The following MAMLD1 variants were observed in gnomAD, a reference collection of about 807,000 sequenced individuals.
The protein encoded by MAMLD1 is mastermind-like domain-containing protein 1.
Under a neutral mutation model 45.0 loss-of-function variants are expected in MAMLD1, and 14 were observed. That is an observed-to-expected ratio of 0.31 (90% CI 0.21 to 0.49). MAMLD1 has a LOEUF of 0.49. Ranked by LOEUF, MAMLD1 falls within the 20% of genes least tolerant of loss-of-function variation. The pLI is 0.99. For missense variants in MAMLD1, 543 were observed against 603.6 expected, an observed-to-expected ratio of 0.90 and a Z score of 1.05; for synonymous variants, 254 against 247.8, an observed-to-expected ratio of 1.02 and a Z score of -0.24.
chrX:150,424,535 T>C, intron 1 of MAMLD1, among the ~76,000 whole-genome samples: 1 of 111,941 alleles, frequency 8.9e-6, no homozygotes, highest in Middle Eastern at 4.6e-3. Context: ...TAGGTCAGCA[T>C]ATAAACAAGG....
chrX:150,449,849 C>T (rs974097998), intron 2 of MAMLD1, among the ~76,000 whole-genome samples: 3 of 110,853 alleles, frequency 2.7e-5, no homozygotes, highest in African/African-American at 9.9e-5. Flanking sequence ...CTCGGTGAAA[C>T]CTGGAGGCAA....
intron 1 of MAMLD1, among the ~76,000 whole-genome samples, chrX:150,386,983 A>G (rs1557402076): frequency 9.0e-6 from 1 of 111,475 alleles, no homozygotes; most frequent in African/African-American, 3.3e-5. Flanking sequence ...AAAAATTTTC[A>G]GCATACTTTT....
intron 2 of MAMLD1, among the ~76,000 whole-genome samples, chrX:150,455,751 G>C (rs2035836919): frequency 1.0e-5 from 1 of 98,640 alleles, no homozygotes; most frequent in South Asian, 5.0e-4. Flanking sequence ...AGAATTTGTT[G>C]TGCAGAAGGT....
intron 5 of MAMLD1, among the ~76,000 whole-genome samples, chrX:150,494,336 G>A (rs1258264815): frequency 1.8e-5 from 2 of 111,604 alleles, no homozygotes; most frequent in Non-Finnish European, 3.8e-5. Flanking sequence ...GGAGGTTGCA[G>A]TGAGCCGAGA....
chrX:150,368,798 G>A (rs2031731428), intron 1 of MAMLD1, among the ~76,000 whole-genome samples: 1 of 112,136 alleles, frequency 8.9e-6, no homozygotes, highest in African/African-American at 3.2e-5. Context: ...AGTTTTCCCA[G>A]CATCTTTTAT....
intron 1 of MAMLD1, among the ~76,000 whole-genome samples, chrX:150,406,980 C>T (rs1015611015): frequency 3.6e-5 from 4 of 110,720 alleles, no homozygotes; most frequent in Admixed American, 9.6e-5. Context: ...CCAGCCATTC[C>T]GGAACTCAAA....
At chrX:150,434,217 A>AT (rs782359322) in intron 1 of MAMLD1, among the ~76,000 whole-genome samples, 31 of 107,715 alleles carry the variant, frequency 2.9e-4, no homozygotes, top group African/African-American at 1.0e-3. Context: ...GTCTCAGGGG[A>AT]TTTTTTGTAT....
At chrX:150,428,348 A>G (rs2034788393) in intron 1 of MAMLD1, among the ~76,000 whole-genome samples, 1 of 112,605 alleles carries the variant, frequency 8.9e-6, no homozygotes, top group East Asian at 2.8e-4. Flanking sequence ...TTCCTATATT[A>G]AAGCAAACAT....
rs190743411 is a variant in MAMLD1, at chrX:150,373,734, C to T, written c.-64+10204C>T. On this transcript the variant is annotated intron_variant, in intron 1 of 7. Coordinates refer to ENST00000370401, the MANE Select transcript of MAMLD1 (RefSeq NM_005491.5). ...TTCTCACACCCCCTCTCCACCTTAC[C>T]TAGAAAGATGCCATCCTCAGCCCGC... 1.5e-4 allele frequency among the ~76,000 whole-genome samples: 17 copies of T among 111,925 alleles called. No individual in the cohort carries two copies. The East Asian group carries it at 4.5e-3, about 30-fold the overall frequency.
chrX:150,401,126 C>T (rs1557402418), intron 1 of MAMLD1, among the ~76,000 whole-genome samples: 1 of 111,342 alleles, frequency 9.0e-6, no homozygotes, highest in African/African-American at 3.3e-5. Flanking sequence ...ATTATTGCCA[C>T]AATTTCAGCT....
chrX:150,468,745 A>G (rs782776694), intron 3 of MAMLD1, among the ~76,000 whole-genome samples: 1 of 111,535 alleles, frequency 9.0e-6, no homozygotes, highest in South Asian at 3.7e-4. Flanking sequence ...GCCTTTTCTC[A>G]TTGTTTAATA....
intron 1 of MAMLD1, among the ~76,000 whole-genome samples, chrX:150,438,807 T>C (rs1459151270): frequency 8.9e-6 from 1 of 112,589 alleles, no homozygotes; most frequent in African/African-American, 3.2e-5. Flanking sequence ...GCTAAGAACA[T>C]TTGTGCAAAA....
chrX:150,457,887 T>C (rs2035920029), intron 2 of MAMLD1, among the ~76,000 whole-genome samples: 1 of 112,427 alleles, frequency 8.9e-6, no homozygotes, highest in Non-Finnish European at 1.9e-5. Flanking sequence ...ACATTGTGAA[T>C]GTCCTAAATG....
chrX:150,394,081 T>A (rs899084932), intron 1 of MAMLD1, among the ~76,000 whole-genome samples: 3 of 107,375 alleles, frequency 2.8e-5, no homozygotes, highest in African/African-American at 1.0e-4. Context: ...TGTCTATGAT[T>A]CATTTTGAGT....
intron 1 of MAMLD1, among the ~76,000 whole-genome samples, chrX:150,409,160 G>A (rs782105764): frequency 1.2e-4 from 13 of 111,606 alleles, no homozygotes; most frequent in Non-Finnish European, 1.9e-4. Flanking sequence ...CTATCCCCAC[G>A]AGGATTCCAT....
chrX:150,472,559 C>T (rs2148304170), intron 4 of MAMLD1, among the ~76,000 whole-genome samples: 1 of 112,230 alleles, frequency 8.9e-6, no homozygotes, highest in African/African-American at 3.2e-5. Flanking sequence ...GGCCAGAGGC[C>T]TCCCTCAGTT....
Position 150,513,642 on chromosome X carries a change from T to C in MAMLD1, c.*1683T>C, listed in dbSNP as rs2037963251. 3.4e-6 allele frequency: 1 copy of C among 298,009 alleles called. No homozygotes were observed. Among genetic ancestry groups the C allele is most frequent in the South Asian group, 2.1e-4 (1 of 4,853 alleles). The allele number at this position is 298,009 out of a possible 1,213,427, so 24.6% of individuals were successfully genotyped here. A position where few individuals can be genotyped will look rare whatever the true frequency, so the allele number is the denominator to read the frequency against. On this transcript the variant is annotated 3_prime_UTR_variant, in exon 8 of 8. Coordinates refer to ENST00000370401, the MANE Select transcript of MAMLD1 (RefSeq NM_005491.5). Reference sequence around the variant, plus strand: ...TCCGCTAGCTCTTTCCTAATGAGCTTTACAGCAGAAGCCGTTTTATCGTTA... The same window carrying C: ...TCCGCTAGCTCTTTCCTAATGAGCTCTACAGCAGAAGCCGTTTTATCGTTA...
intron 5 of MAMLD1, among the ~76,000 whole-genome samples, chrX:150,487,280 A>C (rs1359248279): frequency 4.5e-5 from 5 of 112,228 alleles, no homozygotes; most frequent in Admixed American, 1.9e-4. Context: ...ACCCAACTCT[A>C]CTGTGTGAAC....
intron 1 of MAMLD1, among the ~76,000 whole-genome samples, chrX:150,400,481 C>T (rs1218021146): frequency 8.9e-5 from 10 of 111,985 alleles, no homozygotes; most frequent in African/African-American, 3.2e-4. Context: ...CTGGCCAGAA[C>T]TTCCAACACT....
Sources: allele counts gnomAD v4.1 joint callset (sites outside exome capture counted in the v4.1 genomes callset), GRCh38; gene constraint gnomAD v4.1.1; transcripts MANE v1.5; gene names NCBI Gene and HGNC (gene_info 2026-07-23, HGNC 2026-07-21).